ENG: variants seen among roughly 807,000 people sequenced by gnomAD.
ENG encodes CD105 antigen.
In ENG, 17 loss-of-function variants were observed where a neutral mutation model predicts 71.0. The observed-to-expected ratio is 0.24, with a 90% CI of 0.16 to 0.36. ENG has a LOEUF of 0.36. ENG is among the 10% of genes least tolerant of loss of function. ENG has a pLI of 1.00. For missense variants in ENG, 749 were observed against 868.3 expected (o/e 0.86, Z 1.73); for synonymous variants, 360 against 366.9 (o/e 0.98, Z 0.21).
chr9:127,825,870 C>T lies in ENG; in HGVS notation c.524-10G>A. The T allele has an allele frequency of 6.3e-7, 1 of 1,582,008 alleles. No individual in the cohort carries two copies. Among genetic ancestry groups the T allele is most frequent in the Admixed American group, 1.8e-5 (1 of 56,034 alleles). ...GACAGTGACCCCTGGGCTGCAGAGA[C>T]ACGCGCACCTCAGTCCCTTCCCTCA... On this transcript the variant is annotated splice_polypyrimidine_tract_variant and intron_variant, in intron 4 of 14. Coordinates refer to ENST00000373203, the MANE Select transcript of ENG (RefSeq NM_001114753.3).
At chr9:127,837,737 C>A (rs543384822) in intron 2 of ENG, among the ~76,000 whole-genome samples, 3 of 148,614 alleles carry the variant, frequency 2.0e-5, no homozygotes, top group Admixed American at 1.3e-4. Context: ...CTCTCCCTCC[C>A]GCCCTTATCC....
At chr9:127,845,986 G>A (rs1032442688) in intron 1 of ENG, among the ~76,000 whole-genome samples, 1 of 152,230 alleles carries the variant, frequency 6.6e-6, no homozygotes, top group African/African-American at 2.4e-5. Flanking sequence ...AGGATTACAG[G>A]TGTGAGCCAC....
intron 9 of ENG, 108 bp from the exon 10 acceptor site, chr9:127,819,768 C>G: frequency 6.3e-7 from 1 of 1,598,638 alleles, no homozygotes; most frequent in Non-Finnish European, 8.5e-7. Flanking sequence ...AACCAATGGC[C>G]AAGCTTGTCT....
chr9:127,816,190 C>T (rs1428332454), intron 13 of ENG, 137 bp from the exon 14 acceptor site: 3 of 1,121,564 alleles, frequency 2.7e-6, no homozygotes, highest in Non-Finnish European at 3.9e-6. Flanking sequence ...TCAGTCTCCT[C>T]TTGCAGCAAA....
chr9:127,835,110 C>T (rs774595162), intron 2 of ENG, among the ~76,000 whole-genome samples: 1 of 152,004 alleles, frequency 6.6e-6, no homozygotes, highest in Non-Finnish European at 1.5e-5. Flanking sequence ...GTGATCCTCC[C>T]GCCTTAGCCT....
chr9:127,843,021 G>A, intron 2 of ENG, 73 bp downstream of exon 2: 1 of 1,607,232 alleles, frequency 6.2e-7, no homozygotes, highest in South Asian at 1.1e-5. Flanking sequence ...CAGCCACAAG[G>A]AAGGCACCCC....
chr9:127,834,726 A>G (rs1830855233), intron 2 of ENG, among the ~76,000 whole-genome samples: 1 of 150,562 alleles, frequency 6.6e-6, no homozygotes, highest in Non-Finnish European at 1.5e-5. Flanking sequence ...TTTAGTGGAG[A>G]TGGGGTTTCA....
intron 10 of ENG, 60 bp downstream of exon 10, chr9:127,819,562 G>C: frequency 6.2e-7 from 1 of 1,608,842 alleles, no homozygotes; most frequent in South Asian, 1.1e-5. Flanking sequence ...GCCAGGAAGA[G>C]GCCCCGGCCC....
rs758012489 is a variant in ENG, at chr9:127,815,755, G to A, written c.1904C>T (p.Ser635Leu). 2.7e-5 allele frequency: 42 copies of A among 1,547,440 alleles called. No homozygotes were observed. The highest frequency in any genetic ancestry group is 2.0e-4 in the African/African-American group (15 of 73,364). Residue 635 changes from serine to leucine, a missense_variant, in exon 15 of 15, where the codon TCG (serine) becomes TTG (leucine). Physicochemically the swap from Ser to Leu is moderately radical, Grantham distance 145. Transcript: ENST00000373203. ...GCTGTGGTTGGTGCTGCTGCTCTCC[G>A]AGGAGGCCGGGGCAGCCACCGCCAC... ...PVVAVAAPAS[S>L]ESSSTNHSIG... is the part of the protein sequence containing the mutation.
chr9:127,847,098 T>G, intron 1 of ENG: 3 of 238,364 alleles, frequency 1.3e-5, no homozygotes, highest in Non-Finnish European at 1.4e-5. Context: ...CTGCAGATGC[T>G]CCCATCATGC....
At chr9:127,828,483 C>T (rs927525878) in intron 3 of ENG, among the ~76,000 whole-genome samples, 1 of 152,172 alleles carries the variant, frequency 6.6e-6, no homozygotes, top group African/African-American at 2.4e-5. Flanking sequence ...GCGGCGCGGC[C>T]GAGGCCAGAG....
rs148537265 is a variant in ENG, at chr9:127,816,770, C to T, written c.1741+379G>A. 1.5e-4 allele frequency: 54 copies of T among 357,688 alleles called. No individual in the cohort carries two copies. In the East Asian group the frequency reaches 3.2e-3, roughly 21 times the overall value. 22.2% of individuals were successfully genotyped at this position (357,688 alleles called of 1,614,324 possible). On this transcript the variant is annotated intron_variant, in intron 13 of 14. Coordinates refer to ENST00000373203, the MANE Select transcript of ENG (RefSeq NM_001114753.3). Reference sequence around the variant, plus strand: ...TGGAGAGGCTAGAGGGGGCGTCCTGCAGGGAGAGGCCTCAAGGAAGGCAAG... The same window carrying T: ...TGGAGAGGCTAGAGGGGGCGTCCTGTAGGGAGAGGCCTCAAGGAAGGCAAG...
chr9:127,852,047 A>T (rs555545591), intron 1 of ENG, among the ~76,000 whole-genome samples: 166 of 152,356 alleles, frequency 1.1e-3, no homozygotes, highest in African/African-American at 3.8e-3. Flanking sequence ...GGCACCTAAC[A>T]GTGTGTCCCT....
chr9:127,839,247 C>T (rs558149280), intron 2 of ENG, among the ~76,000 whole-genome samples: 1 of 152,310 alleles, frequency 6.6e-6, no homozygotes, highest in African/African-American at 2.4e-5. Flanking sequence ...CTCTGCCTCC[C>T]TGGCTCTACC....
Position 127,825,748 on chromosome 9 carries a change from C to G in ENG, c.636G>C (p.Val212=), listed in dbSNP as rs759493966. 2.5e-6 allele frequency: 4 copies of G among 1,600,014 alleles called. No homozygotes were observed. In the East Asian group the frequency reaches 9.0e-5, roughly 36 times the overall value. The stretch of plus-strand genomic sequence containing the variant: ...GGATGTGCGCCTCCTTGTGGCCGGC[C>G]ACGCCTTCCAAGTGGCAGCCCCGGA... ...ALVRGCHLEG[V]AGHKEAHILR... The change falls in exon 5 of 15, where the codon GTG becomes GTC. Residue 212 remains valine (V), a synonymous_variant. Transcript: ENST00000373203.
chr9:127,832,438 T>A (rs1341947628), intron 2 of ENG, among the ~76,000 whole-genome samples: 2 of 152,202 alleles, frequency 1.3e-5, no homozygotes, highest in Non-Finnish European at 1.5e-5. Context: ...TCATTTGCCT[T>A]TGATGACACA....
In ENG at chr9:127,825,819, C is replaced by T. The variant is rs147792018; in HGVS notation, c.565G>A (p.Asp189Asn). 28 of 1,597,644 alleles carry T rather than the reference C, an allele frequency of 1.8e-5. No individual in the cohort carries two copies. In the African/African-American group the frequency reaches 3.6e-4, roughly 21 times the overall value. The change falls in exon 5 of 15, where the codon GAC becomes AAC. Residue 189 changes from aspartate (D) to asparagine (N), a missense_variant. Physicochemically the swap from Asp to Asn is conservative, Grantham distance 23. Transcript: ENST00000373203. ...CGCCACTCGAGCGTGCGGCCCATGT[C>T]CTGGCTGGCTTCCAGCATGCAGAAG... ...LSFCMLEASQ[D>N]MGRTLEWRPR... is the part of the protein sequence containing the mutation.
Position 127,818,280 on chromosome 9 carries a change from C to G in ENG, c.1526G>C (p.Gly509Ala), listed in dbSNP as rs144595802. The G allele has an allele frequency of 2.5e-6, 4 of 1,614,010 alleles. No individual in the cohort carries two copies. In the African/African-American group the frequency reaches 5.3e-5, roughly 22 times the overall value. Residue 509 changes from glycine (G) to alanine (A), a missense_variant, in exon 12 of 15, where the codon GGC becomes GCC. Physicochemically the swap from Gly to Ala is moderately conservative, Grantham distance 60. Coordinates refer to ENST00000373203, the MANE Select transcript of ENG (RefSeq NM_001114753.3). ...PEGGTVELIQ[G>A]RAAKGNCVSL... ...CACACAGTTGCCCTTGGCCGCCCGG[C>G]CCTGGATGAGTTCCACGGTGCCTCC...
chr9:127,821,012 G>A (rs1349569530), intron 8 of ENG, among the ~76,000 whole-genome samples: 1 of 152,180 alleles, frequency 6.6e-6, no homozygotes, highest in Non-Finnish European at 1.5e-5. Flanking sequence ...TGTGGTCGGT[G>A]ATGGACTGTG....
Sources: allele counts gnomAD v4.1 joint callset (sites outside exome capture counted in the v4.1 genomes callset), GRCh38; gene constraint gnomAD v4.1.1; transcripts MANE v1.5; gene names NCBI Gene and HGNC (gene_info 2026-07-23, HGNC 2026-07-21).